CPA6: variants seen among roughly 807,000 people sequenced by gnomAD.
The protein encoded by CPA6 is carboxypeptidase A6, also known as carboxypeptidase B.
In CPA6, 58 loss-of-function variants were observed where a neutral mutation model predicts 63.3. That is an observed-to-expected ratio of 0.92 (90% confidence interval 0.74 to 1.14). The LOEUF (loss-of-function observed/expected upper bound fraction) is 1.14, where lower values mean the gene tolerates loss of function less well. Among genes scored for constraint, CPA6 ranks in the 50% most tolerant of loss-of-function variants. The pLI, the probability that CPA6 is intolerant of heterozygous loss-of-function variation, is 0.00. For synonymous variants in CPA6, 185 were observed against 179.0 expected (o/e 1.03, Z -0.27); for missense variants, 565 against 526.6 (o/e 1.07, Z -0.71).
intron 2 of CPA6, among the ~76,000 whole-genome samples, chr8:67,618,179 G>A (rs1815001415): frequency 6.6e-6 from 1 of 152,150 alleles, no homozygotes; most frequent in South Asian, 2.1e-4. Flanking sequence ...CTAGAATTCT[G>A]CCTACCATGG....
chr8:67,585,259 G>T (rs1473296527), intron 2 of CPA6, among the ~76,000 whole-genome samples: 1 of 152,150 alleles, frequency 6.6e-6, no homozygotes, highest in Non-Finnish European at 1.5e-5. Context: ...GCAGGGATGA[G>T]GCTAATGATG....
intron 1 of CPA6, among the ~76,000 whole-genome samples, chr8:67,699,777 T>A (rs909478803): frequency 9.9e-5 from 15 of 151,938 alleles, no homozygotes; most frequent in Non-Finnish European, 1.6e-4. Context: ...TTAGTAGAGA[T>A]GAGGTTTTAC....
At chr8:67,606,250 G>A (rs996657283) in intron 2 of CPA6, among the ~76,000 whole-genome samples, 5 of 151,314 alleles carry the variant, frequency 3.3e-5, no homozygotes, top group African/African-American at 4.9e-5. Context: ...GTTAATGGGT[G>A]CAGCACATCA....
chr8:67,509,539 C>A lies in CPA6; in HGVS notation c.512G>T (p.Gly171Val). ...TACCTTTAAAATAAAAAGAGATCTT[C>A]CCTCATATGATCTTCCAATAGAGAA... ...HMFSIGRSYE[G>V]RSLFILKLGR... is the part of the protein sequence containing the mutation. The change falls in exon 5 of 11, where the codon GGA becomes GTA. Residue 171 changes from glycine (G) to valine (V), a missense_variant. Coordinates refer to ENST00000297770, the MANE Select transcript of CPA6 (RefSeq NM_020361.5). The A allele has an allele frequency of 6.4e-7, 1 of 1,563,538 alleles. No individual in the cohort carries two copies. The highest frequency in any genetic ancestry group is 8.8e-7 in the Non-Finnish European group (1 of 1,139,546).
At chr8:67,449,772 T>A (rs943375482) in intron 8 of CPA6, among the ~76,000 whole-genome samples, 2 of 150,574 alleles carry the variant, frequency 1.3e-5, no homozygotes, top group Non-Finnish European at 3.0e-5. Flanking sequence ...TCCACCTCCA[T>A]CAAATGCAAT....
chr8:67,573,468 T>C (rs916684507), intron 2 of CPA6, among the ~76,000 whole-genome samples: 78 of 152,316 alleles, frequency 5.1e-4, no homozygotes, highest in African/African-American at 1.8e-3. Flanking sequence ...GGCATTTCTC[T>C]ACATTCACAA....
At chr8:67,728,046 C>G (rs1474386134) in intron 1 of CPA6, among the ~76,000 whole-genome samples, 1 of 148,802 alleles carries the variant, frequency 6.7e-6, no homozygotes, top group African/African-American at 2.5e-5. Flanking sequence ...CTACAGCACT[C>G]TAGCCTGGGC....
chr8:67,497,152 A>T (rs1563976449), intron 6 of CPA6, among the ~76,000 whole-genome samples: 1 of 152,186 alleles, frequency 6.6e-6, no homozygotes, highest in African/African-American at 2.4e-5. Flanking sequence ...ACAGTGTACA[A>T]TTCAGTGGTT....
At chr8:67,633,161 TAGA>T (rs1407515382) in intron 1 of CPA6, among the ~76,000 whole-genome samples, 25 of 152,318 alleles carry the variant, frequency 1.6e-4, no homozygotes, top group African/African-American at 4.8e-4. Flanking sequence ...AAAGCTTCCT[TAGA>T]AAAACTCTTC....
chr8:67,681,547 T>C (rs1816599134), intron 1 of CPA6, among the ~76,000 whole-genome samples: 1 of 152,220 alleles, frequency 6.6e-6, no homozygotes, highest in Non-Finnish European at 1.5e-5. Context: ...ACCTATAGTT[T>C]TAAGTTTTGC....
chr8:67,532,818 A>G (rs959811958), intron 2 of CPA6, among the ~76,000 whole-genome samples: 1 of 152,228 alleles, frequency 6.6e-6, no homozygotes, highest in African/African-American at 2.4e-5. Context: ...CCAAATGGGT[A>G]TCACAAAATT....
At chr8:67,501,393 T>C (rs1811827605) in intron 6 of CPA6, among the ~76,000 whole-genome samples, 1 of 152,168 alleles carries the variant, frequency 6.6e-6, no homozygotes, top group Non-Finnish European at 1.5e-5. Flanking sequence ...GGAAATAAAA[T>C]TGATTTTGTA....
rs1811186665 is a variant in CPA6 at position 67,475,833 on chromosome 8, TTC to T, written c.838+7933_838+7934del. 7.8e-5 allele frequency among the ~76,000 whole-genome samples: 6 copies of T among 76,864 alleles called. 1 individual carries two copies. The highest frequency in any genetic ancestry group is 2.5e-4 in the African/African-American group (4 of 15,870). The allele number at this position is 76,864 out of a possible 152,430, so 50.4% of individuals were successfully genotyped here. ...TCTTTCTTTCCTTTCTTTTCTTTCTTTCTTTCTTTCTTTCTTTCTTTCTTTCT... is the reference window on the plus strand; with the variant it reads ...TCTTTCTTTCCTTTCTTTTCTTTCTTTTTCTTTCTTTCTTTCTTTCTTTCT... On this transcript the variant is annotated intron_variant, in intron 8 of 10. Coordinates refer to ENST00000297770, the MANE Select transcript of CPA6 (RefSeq NM_020361.5).
chr8:67,598,432 C>A (rs971154824), intron 2 of CPA6, among the ~76,000 whole-genome samples: 1 of 152,084 alleles, frequency 6.6e-6, no homozygotes, highest in Non-Finnish European at 1.5e-5. Context: ...TATTCTAGAT[C>A]ATAATATTAA....
intron 1 of CPA6, among the ~76,000 whole-genome samples, chr8:67,697,353 C>G (rs780596184): frequency 1.3e-5 from 2 of 152,146 alleles, no homozygotes; most frequent in African/African-American, 2.4e-5. Context: ...GCAATGTGCT[C>G]TCATGTGAAA....
chr8:67,485,013 A>G (rs979477772), intron 6 of CPA6, among the ~76,000 whole-genome samples: 7 of 152,234 alleles, frequency 4.6e-5, no homozygotes, highest in African/African-American at 1.7e-4. Context: ...AAAAGAGATC[A>G]GTTGGGCAGC....
intron 2 of CPA6, among the ~76,000 whole-genome samples, chr8:67,544,649 C>G (rs556271250): frequency 3.9e-5 from 6 of 152,202 alleles, no homozygotes; most frequent in Non-Finnish European, 7.3e-5. Context: ...CTGCTTTACG[C>G]TTTGCTAAAT....
At chr8:67,475,767 C>CTTTCTTTCTT (rs1195620414) in intron 8 of CPA6, among the ~76,000 whole-genome samples, 3 of 71,674 alleles carry the variant, frequency 4.2e-5, no homozygotes, top group African/African-American at 1.1e-4. Context: ...TTCTTTCTTT[C>CTTTCTTTCTT]TCTTTCTTTC....
intron 8 of CPA6, among the ~76,000 whole-genome samples, chr8:67,475,896 T>TTC (rs1305073263): frequency 1.1e-5 from 1 of 88,064 alleles, no homozygotes; most frequent in African/African-American, 5.5e-5. Context: ...CTTTCTTTCT[T>TTC]TCTTTCTTTC....
Sources: allele counts gnomAD v4.1 joint callset (sites outside exome capture counted in the v4.1 genomes callset), GRCh38; gene constraint gnomAD v4.1.1; transcripts MANE v1.5; gene names NCBI Gene and HGNC (gene_info 2026-07-23, HGNC 2026-07-21).